The following FKBP9 variants were observed in gnomAD, a reference collection of about 807,000 sequenced individuals.
FKBP9 encodes FKBP prolyl isomerase 9.
In FKBP9, 27 loss-of-function variants were observed where a neutral mutation model predicts 55.6. That is an observed-to-expected ratio of 0.49 (90% CI 0.36 to 0.67). The LOEUF is 0.67. Among genes scored for constraint, FKBP9 ranks in the 30% least tolerant of loss-of-function variants. The pLI is 0.00. For synonymous variants in FKBP9, 267 were observed against 296.5 expected (o/e 0.90, Z 1.02); for missense variants, 539 against 742.8 (o/e 0.73, Z 3.19).
chr7:32,975,479 T>C, intron 3 of FKBP9, 108 bp downstream of exon 3: 2 of 871,208 alleles, frequency 2.3e-6, no homozygotes, highest in Non-Finnish European at 1.8e-6. Flanking sequence ...TAAGGACTCT[T>C]CTCAACTGTA....
Position 33,000,277 on chromosome 7 carries a change from A to G in FKBP9, c.1372+17A>G. ...CTGGCGTGGGTGAGTAAGCAACGCT[A>G]TTCAAGGGTGTTGGGGGCCCGCTTA... On this transcript the variant is annotated intron_variant, in intron 8 of 9. Transcript: ENST00000242209. The G allele has an allele frequency of 6.2e-7, 1 of 1,600,492 alleles. No individual in the cohort carries two copies. Among genetic ancestry groups the G allele is most frequent in the Admixed American group, 1.7e-5 (1 of 59,394 alleles).
intron 7 of FKBP9, among the ~76,000 whole-genome samples, chr7:32,997,274 G>A (rs1418666685): frequency 6.6e-6 from 1 of 152,168 alleles, no homozygotes; most frequent in Admixed American, 6.5e-5. Flanking sequence ...GTTTTGCCAT[G>A]TTGCCCTGGC....
At chr7:32,986,609 T>C (rs924490404) in intron 5 of FKBP9, among the ~76,000 whole-genome samples, 7 of 152,218 alleles carry the variant, frequency 4.6e-5, no homozygotes, top group Non-Finnish European at 8.8e-5. Context: ...CACAGCCTCG[T>C]CTGGGAGTTT....
At chr7:33,004,011 C>G (rs1189822886) in intron 9 of FKBP9, among the ~76,000 whole-genome samples, 1 of 152,042 alleles carries the variant, frequency 6.6e-6, no homozygotes, top group Non-Finnish European at 1.5e-5. Context: ...TTACCCAAAG[C>G]CTTTCCCGTC....
At chr7:32,976,832 T>G (rs1471663707) in intron 4 of FKBP9, among the ~76,000 whole-genome samples, 1 of 152,220 alleles carries the variant, frequency 6.6e-6, no homozygotes, top group South Asian at 2.1e-4. Flanking sequence ...ATGATTGAGT[T>G]GCAGAAATTT....
At position 32,957,691 on chromosome 7, in the gene FKBP9, C is replaced by A. The variant is rs767614986; in HGVS notation, c.118C>A (p.Arg40=). Residue 40 remains arginine, a synonymous_variant, in exon 1 of 10, where the codon CGG becomes AGG. Transcript: ENST00000242209. ...CTCCGACGCGGAGCTGCAGATCGAG[C>A]GGCGCTTCGTGCCCGACGAGTGCCC... ...LGSDAELQIE[R]RFVPDECPRT... is the part of the protein sequence containing the mutation. The A allele has an allele frequency of 6.5e-7, 1 of 1,533,684 alleles. No homozygotes were observed. The highest frequency in any genetic ancestry group is 1.2e-5 in the South Asian group (1 of 83,062).
At chr7:32,962,814 A>G (rs1784051096) in intron 1 of FKBP9, among the ~76,000 whole-genome samples, 2 of 144,314 alleles carry the variant, frequency 1.4e-5, no homozygotes, top group African/African-American at 5.1e-5. Flanking sequence ...GAGGACAGGC[A>G]TACTCTTAAG....
chr7:33,006,506 G>T lies in FKBP9; in HGVS notation c.*1155G>T, dbSNP rs151187144. ...ATTGATGAGATAAATAGGGCTGGGG[G>T]CTGGGCCCCGCTGGTCACTCAACAG... On this transcript the variant is annotated 3_prime_UTR_variant, in exon 10 of 10. Transcript: ENST00000242209. 0.058 allele frequency: 11,604 copies of T among 200,376 alleles called. 413 individuals carry two copies. Among genetic ancestry groups the T allele is most frequent in the East Asian group, 0.15 (1,931 of 13,162 alleles). The allele number at this position is 200,376 out of a possible 1,614,324, so 12.4% of individuals were successfully genotyped here.
chr7:32,992,332 AC>A (rs1389950712), intron 6 of FKBP9, among the ~76,000 whole-genome samples: 4 of 85,822 alleles, frequency 4.7e-5, no homozygotes, highest in Middle Eastern at 7.1e-3. Flanking sequence ...GAGGAAACCC[AC>A]CCCCCGCAGA....
intron 6 of FKBP9, chr7:32,992,994 G>A (rs1041409513): frequency 4.3e-6 from 1 of 231,698 alleles, no homozygotes; most frequent in African/African-American, 2.2e-5. Context: ...CCTCTACACT[G>A]GTTGGAATTC....
At chr7:32,963,648 G>A in intron 1 of FKBP9, 2 of 1,464,152 alleles carry the variant, frequency 1.4e-6, no homozygotes, top group Non-Finnish European at 1.8e-6. Context: ...AAAGGAGTGG[G>A]AATTTATTGG....
At chr7:33,000,439 A>C (rs1784910459) in intron 8 of FKBP9, among the ~76,000 whole-genome samples, 179 bp downstream of exon 8, 1 of 152,186 alleles carries the variant, frequency 6.6e-6, no homozygotes, top group Non-Finnish European at 1.5e-5. Context: ...CTGTGAATTC[A>C]GTGAGCCACG....
At chr7:33,003,451 T>G (rs1220956103) in intron 9 of FKBP9, among the ~76,000 whole-genome samples, 1 of 152,214 alleles carries the variant, frequency 6.6e-6, no homozygotes, top group African/African-American at 2.4e-5. Flanking sequence ...ATGTGTCTGT[T>G]TCTTTCATTG....
intron 7 of FKBP9, 92 bp from the exon 8 acceptor site, chr7:33,000,023 A>C: frequency 6.7e-7 from 1 of 1,485,654 alleles, no homozygotes; most frequent in Non-Finnish European, 9.3e-7. Context: ...CTTTGGTAGA[A>C]ATATCCTAGA....
chr7:32,960,548 T>G (rs889549694), intron 1 of FKBP9, among the ~76,000 whole-genome samples: 1 of 152,240 alleles, frequency 6.6e-6, no homozygotes, highest in African/African-American at 2.4e-5. Flanking sequence ...TTTCATGTGC[T>G]TCTTTCATAG....
At chr7:33,002,878 G>C in intron 9 of FKBP9, 39 bp downstream of exon 9, 5 of 1,600,302 alleles carry the variant, frequency 3.1e-6, no homozygotes, top group Non-Finnish European at 4.3e-6. Context: ...GGACCGAAGA[G>C]CTCAGGGAGC....
rs1035619597 is a variant in FKBP9 at position 33,006,466 on chromosome 7, T to A, written c.*1115T>A. On this transcript the variant is annotated 3_prime_UTR_variant, in exon 10 of 10. Coordinates refer to ENST00000242209, the MANE Select transcript of FKBP9 (RefSeq NM_007270.5). ...CTATCCCATAGAACACTCTTTTTTA[T>A]CTTCCCTGAACCATATTGATGAGAT... is the stretch of plus-strand genomic sequence containing the variant. 1 of 202,616 alleles carries A rather than the reference T, an allele frequency of 4.9e-6. No homozygotes were observed. The highest frequency in any genetic ancestry group is 2.3e-5 in the African/African-American group (1 of 43,562). 12.6% of individuals were successfully genotyped at this position (202,616 alleles called of 1,614,324 possible).
chr7:32,966,600 G>A (rs1784150503), intron 1 of FKBP9, among the ~76,000 whole-genome samples: 1 of 152,210 alleles, frequency 6.6e-6, no homozygotes, highest in South Asian at 2.1e-4. Context: ...CAGCCATTGG[G>A]ACATTGTGAT....
intron 5 of FKBP9, among the ~76,000 whole-genome samples, 172 bp downstream of exon 5, chr7:32,980,725 CCTTTCTTT>C (rs539648812): frequency 6.6e-6 from 1 of 151,942 alleles, no homozygotes; most frequent in African/African-American, 2.4e-5. Context: ...TTCCTTCCTT[CCTTTCTTT>C]CTTTCTTTTT....
Sources: allele counts gnomAD v4.1 joint callset (sites outside exome capture counted in the v4.1 genomes callset), GRCh38; gene constraint gnomAD v4.1.1; transcripts MANE v1.5; gene names NCBI Gene and HGNC (gene_info 2026-07-23, HGNC 2026-07-21).